UNC5D: variants seen among roughly 807,000 people sequenced by gnomAD.
The protein encoded by UNC5D is netrin receptor UNC5D.
Under a neutral mutation model 105.4 loss-of-function variants are expected in UNC5D, and 39 were observed. The observed-to-expected ratio is 0.37, with a 90% CI of 0.29 to 0.48. The LOEUF (loss-of-function observed/expected upper bound fraction) is 0.48. UNC5D is among the 20% of genes least tolerant of loss of function. The probability of loss-of-function intolerance (pLI) is 0.98; values close to 1 mark genes in which losing one functional copy is unlikely to be tolerated. For missense variants in UNC5D, 991 were observed against 1,202.4 expected, an observed-to-expected ratio of 0.82 and a Z score of 2.60; for synonymous variants, 452 against 450.4, an observed-to-expected ratio of 1.00 and a Z score of -0.04.
intron 1 of UNC5D, among the ~76,000 whole-genome samples, chr8:35,298,751 A>G (rs967085140): frequency 6.6e-6 from 1 of 152,150 alleles, no homozygotes. Context: ...ACATAATGTG[A>G]AGAGGAAAAT....
At chr8:35,365,971 A>C (rs1802098888) in intron 1 of UNC5D, among the ~76,000 whole-genome samples, 1 of 152,188 alleles carries the variant, frequency 6.6e-6, no homozygotes, top group Non-Finnish European at 1.5e-5. Context: ...AATAAATAAG[A>C]CATAACAAGA....
At chr8:35,747,833 A>C (rs1830078177) in intron 11 of UNC5D, among the ~76,000 whole-genome samples, 1 of 152,212 alleles carries the variant, frequency 6.6e-6, no homozygotes, top group South Asian at 2.1e-4. Context: ...AATAATTCAC[A>C]ATTCAAAAAA....
At chr8:35,507,200 C>T (rs1427347130) in intron 1 of UNC5D, among the ~76,000 whole-genome samples, 1 of 150,194 alleles carries the variant, frequency 6.7e-6, no homozygotes, top group Non-Finnish European at 1.5e-5. Context: ...GGACTACAGG[C>T]GCCCGCCACT....
chr8:35,784,568 C>G (rs898667437), intron 16 of UNC5D, among the ~76,000 whole-genome samples: 2 of 151,902 alleles, frequency 1.3e-5, no homozygotes, highest in African/African-American at 4.8e-5. Flanking sequence ...TGCAACATGG[C>G]GAAATCCTGT....
chr8:35,628,116 TTTATTTAC>T (rs915701077), intron 4 of UNC5D, among the ~76,000 whole-genome samples: 1 of 150,160 alleles, frequency 6.7e-6, no homozygotes. Context: ...TCTTTATTTA[TTTATTTAC>T]TTACTTACTT....
intron 1 of UNC5D, among the ~76,000 whole-genome samples, chr8:35,541,689 A>G (rs1287487099): frequency 6.8e-6 from 1 of 147,942 alleles, no homozygotes; most frequent in Non-Finnish European, 1.5e-5. Flanking sequence ...GACACTTTGC[A>G]TATACTTCCA....
At chr8:35,696,196 G>T (rs1489675830) in intron 7 of UNC5D, among the ~76,000 whole-genome samples, 1 of 151,326 alleles carries the variant, frequency 6.6e-6, no homozygotes. Context: ...CTAGAACAAT[G>T]ATTTGTTGCA....
intron 1 of UNC5D, among the ~76,000 whole-genome samples, chr8:35,520,691 T>A (rs1297145382): frequency 3.3e-5 from 5 of 151,942 alleles, no homozygotes; most frequent in African/African-American, 1.2e-4. Flanking sequence ...ACCCATGTGA[T>A]AAAACCATGA....
chr8:35,536,986 ACTCTAT>A (rs1314271993), intron 1 of UNC5D, among the ~76,000 whole-genome samples: 2 of 150,816 alleles, frequency 1.3e-5, no homozygotes, highest in African/African-American at 2.4e-5. Flanking sequence ...ACAGAGCGAG[ACTCTAT>A]CTCTAAACAA....
Position 35,722,352 on chromosome 8 carries a change from G to T in UNC5D, c.1260G>T (p.Leu420Phe). 6.2e-7 allele frequency: 1 copy of T among 1,614,116 alleles called. No individual in the cohort carries two copies. The highest frequency in any genetic ancestry group is 8.5e-7 in the Non-Finnish European group (1 of 1,180,020). ...YGVDVIDSSA[L>F]TGGFQTFNFK... ...TGGACGTCATTGACTCTTCTGCATT[G>T]ACAGGTGGCTTCCAGACCTTCAACT... The change falls in exon 9 of 17, where the codon TTG becomes TTT. Residue 420 changes from leucine to phenylalanine, a missense_variant. Physicochemically the swap from Leu to Phe is conservative, Grantham distance 22. This residue lies in a region of UNC5D where 944 missense variants were observed against 1,131.6 expected (regional missense o/e 0.83). Coordinates refer to ENST00000404895, the MANE Select transcript of UNC5D (RefSeq NM_080872.4).
At chr8:35,249,741 T>C (rs1268230485) in intron 1 of UNC5D, among the ~76,000 whole-genome samples, 8 of 152,092 alleles carry the variant, frequency 5.3e-5, no homozygotes, top group Non-Finnish European at 1.2e-4. Flanking sequence ...CTTGTGCCTC[T>C]ATTATGATGA....
intron 1 of UNC5D, among the ~76,000 whole-genome samples, chr8:35,281,562 C>T (rs1000404017): frequency 4.6e-5 from 7 of 152,244 alleles, no homozygotes; most frequent in East Asian, 3.9e-4. Flanking sequence ...GCCTCAGCCT[C>T]TTGAGTAGCT....
intron 1 of UNC5D, among the ~76,000 whole-genome samples, chr8:35,287,431 C>A (rs1018188320): frequency 2.6e-5 from 4 of 151,820 alleles, no homozygotes; most frequent in Non-Finnish European, 4.4e-5. Flanking sequence ...ATGGAAGAAA[C>A]AAATAAAAAA....
chr8:35,518,428 A>G lies in UNC5D; in HGVS notation c.104-30864A>G, dbSNP rs1417968715. Among the ~76,000 whole-genome samples, 4 of 151,962 alleles carry G rather than the reference A, an allele frequency of 2.6e-5. No homozygotes were observed. In the East Asian group the frequency reaches 7.7e-4, roughly 29 times the overall value. ...AAAATTTATGAAAATAGAACCCTAC[A>G]GAATATATCCTTCTGCAACATTTTT... On this transcript the variant is annotated intron_variant, in intron 1 of 16. Coordinates refer to ENST00000404895, the MANE Select transcript of UNC5D (RefSeq NM_080872.4).
intron 7 of UNC5D, among the ~76,000 whole-genome samples, chr8:35,688,941 C>T (rs1826207087): frequency 6.6e-6 from 1 of 152,236 alleles, no homozygotes; most frequent in African/African-American, 2.4e-5. Flanking sequence ...TTTACAAGTA[C>T]ATATACATCT....
intron 1 of UNC5D, among the ~76,000 whole-genome samples, chr8:35,472,179 A>G (rs1809781978): frequency 2.0e-5 from 3 of 152,210 alleles, no homozygotes; most frequent in Non-Finnish European, 2.9e-5. Context: ...TCATCAGAAG[A>G]ACACTTATTA....
chr8:35,700,721 G>A (rs1827133191), intron 7 of UNC5D, among the ~76,000 whole-genome samples: 1 of 152,176 alleles, frequency 6.6e-6, no homozygotes, highest in African/African-American at 2.4e-5. Flanking sequence ...ACATGGATTT[G>A]TACTGAGGTG....
intron 1 of UNC5D, among the ~76,000 whole-genome samples, chr8:35,402,304 G>C (rs1804519914): frequency 6.6e-6 from 1 of 152,148 alleles, no homozygotes; most frequent in Non-Finnish European, 1.5e-5. Context: ...AGGCCTCACA[G>C]TCATGATGGA....
At chr8:35,658,530 TGTTACAC>T (rs1363569029) in intron 4 of UNC5D, among the ~76,000 whole-genome samples, 1 of 152,130 alleles carries the variant, frequency 6.6e-6, no homozygotes, top group African/African-American at 2.4e-5. Context: ...TGTGTAATGA[TGTTACAC>T]GTAATAAATG....
Sources: allele counts gnomAD v4.1 joint callset (sites outside exome capture counted in the v4.1 genomes callset), GRCh38; gene constraint gnomAD v4.1.1; regional missense constraint gnomAD v4.1.1; transcripts MANE v1.5; gene names NCBI Gene and HGNC (gene_info 2026-07-23, HGNC 2026-07-21).